Variants in ATP13A4 observed in about 807,000 individuals in gnomAD.
The protein encoded by ATP13A4 is probable cation-transporting ATPase 13A4.
ATP13A4 carries 114 observed loss-of-function variants against 142.5 expected under a neutral mutation model. The ratio of observed to expected loss-of-function variants is 0.80; its 90% confidence interval spans 0.69 to 0.93. ATP13A4 has a LOEUF of 0.93. Among genes scored for constraint, ATP13A4 ranks in the 40% least tolerant of loss-of-function variants. The pLI is 0.00. For missense variants in ATP13A4, 1,392 were observed against 1,454.0 expected, an observed-to-expected ratio of 0.96 and a Z score of 0.69; for synonymous variants, 488 against 514.8, an observed-to-expected ratio of 0.95 and a Z score of 0.70.
At chr3:193,514,584 G>A (rs1721306286) in intron 2 of ATP13A4, 114 bp downstream of exon 2, 1 of 1,373,436 alleles carries the variant, frequency 7.3e-7, no homozygotes, top group Non-Finnish European at 1.0e-6. Flanking sequence ...AGGAACCAAA[G>A]ACTGGAGCCT....
intron 25 of ATP13A4, among the ~76,000 whole-genome samples, chr3:193,423,362 A>G (rs971115035): frequency 2.7e-5 from 4 of 149,530 alleles, no homozygotes; most frequent in African/African-American, 9.8e-5. Context: ...AACTCATTCT[A>G]TGAGTCCCCC....
At chr3:193,542,476 T>G (rs997243437) in intron 1 of ATP13A4, among the ~76,000 whole-genome samples, 1 of 151,754 alleles carries the variant, frequency 6.6e-6, no homozygotes, top group African/African-American at 2.4e-5. Flanking sequence ...AAAACTACTT[T>G]AAAATTTATA....
intron 1 of ATP13A4, among the ~76,000 whole-genome samples, chr3:193,585,789 A>G (rs928903690): frequency 6.6e-6 from 1 of 152,178 alleles, no homozygotes; most frequent in African/African-American, 2.4e-5. Context: ...AAAAGTCGCT[A>G]TGAACATGTT....
intron 25 of ATP13A4, among the ~76,000 whole-genome samples, chr3:193,426,310 G>T (rs903455299): frequency 1.3e-5 from 2 of 151,574 alleles, no homozygotes; most frequent in African/African-American, 4.8e-5. Flanking sequence ...AAAGAGAAAG[G>T]CTTCCACACT....
chr3:193,493,395 T>C (rs1363835595), intron 3 of ATP13A4, among the ~76,000 whole-genome samples: 2 of 152,170 alleles, frequency 1.3e-5, no homozygotes, highest in African/African-American at 2.4e-5. Context: ...GAAAAATATA[T>C]ATGAATAAAA....
chr3:193,517,478 T>C (rs1721475873), intron 1 of ATP13A4, among the ~76,000 whole-genome samples: 1 of 152,140 alleles, frequency 6.6e-6, no homozygotes, highest in African/African-American at 2.4e-5. Flanking sequence ...CCAACTGTTT[T>C]GTTTTATTTT....
chr3:193,504,020 TGAGAGAGA>T (rs1553851730), intron 2 of ATP13A4, among the ~76,000 whole-genome samples: 2 of 144,216 alleles, frequency 1.4e-5, no homozygotes, highest in African/African-American at 2.6e-5. Context: ...TGTGTGTGTG[TGAGAGAGA>T]GAGAGAGAGA....
At chr3:193,462,622 G>T in intron 13 of ATP13A4, 140 bp downstream of exon 13, 3 of 789,762 alleles carry the variant, frequency 3.8e-6, no homozygotes, top group Non-Finnish European at 6.3e-6. Context: ...AAGATGAGAA[G>T]TTAAAAGAAG....
chr3:193,402,484 T>C lies in ATP13A4; in HGVS notation c.*168A>G. 1 of 612,178 alleles carries C rather than the reference T, an allele frequency of 1.6e-6. No homozygotes were observed. The highest frequency in any genetic ancestry group is 1.9e-5 in the South Asian group (1 of 51,868). 37.9% of individuals were successfully genotyped at this position (612,178 alleles called of 1,614,324 possible). A position where few individuals can be genotyped will look rare whatever the true frequency, so the allele number is the denominator to read the frequency against. ...AAGCACTCTTCTGGGTCAATGTTCT[T>C]CTCTGTAGACAGTATTTTATCAAAC... On this transcript the variant is annotated 3_prime_UTR_variant, in exon 30 of 30. Coordinates refer to ENST00000342695, the MANE Select transcript of ATP13A4 (RefSeq NM_032279.4).
At chr3:193,431,835 A>G (rs924415871) in intron 25 of ATP13A4, among the ~76,000 whole-genome samples, 3 of 151,844 alleles carry the variant, frequency 2.0e-5, no homozygotes, top group African/African-American at 7.3e-5. Context: ...TTTGGGGAGC[A>G]ACATGTTAAA....
At chr3:193,447,964 G>A (rs1717049842) in intron 18 of ATP13A4, among the ~76,000 whole-genome samples, 1 of 152,076 alleles carries the variant, frequency 6.6e-6, no homozygotes, top group African/African-American at 2.4e-5. Flanking sequence ...ACACTTTCCT[G>A]CATTATCCTA....
chr3:193,576,518 G>T (rs12489198), intron 2 of ATP13A4, among the ~76,000 whole-genome samples: 64,312 of 150,454 alleles, frequency 0.43, 13,934 homozygotes, highest in Non-Finnish European at 0.43. Flanking sequence ...TGATCCACCC[G>T]CCTCGGCCTC....
At chr3:193,534,807 T>C (rs1722507486) in intron 1 of ATP13A4, among the ~76,000 whole-genome samples, 1 of 151,906 alleles carries the variant, frequency 6.6e-6, no homozygotes, top group African/African-American at 2.4e-5. Flanking sequence ...ACTAAAAAAC[T>C]TAAAGAAATA....
chr3:193,463,485 AG>A (rs532613013), intron 12 of ATP13A4, among the ~76,000 whole-genome samples: 22 of 151,738 alleles, frequency 1.4e-4, no homozygotes, highest in Admixed American at 2.6e-4. Context: ...ATTATGGTTA[AG>A]AATTCAGGTT....
At chr3:193,562,691 G>A (rs1464135249) in intron 2 of ATP13A4, among the ~76,000 whole-genome samples, 1 of 152,116 alleles carries the variant, frequency 6.6e-6, no homozygotes, top group Admixed American at 6.6e-5. Context: ...CTAACACGAT[G>A]AAACCCCATC....
At chr3:193,472,425 GAGT>G (rs1718679673) in intron 8 of ATP13A4, among the ~76,000 whole-genome samples, 2 of 152,174 alleles carry the variant, frequency 1.3e-5, no homozygotes, top group Admixed American at 6.5e-5. Flanking sequence ...CAAAGCACAA[GAGT>G]AGTAATGCTC....
At chr3:193,561,114 C>G (rs1210260134) in intron 2 of ATP13A4, among the ~76,000 whole-genome samples, 1 of 152,176 alleles carries the variant, frequency 6.6e-6, no homozygotes, top group African/African-American at 2.4e-5. Flanking sequence ...AACTTAGGAA[C>G]AGTAGTACCC....
rs554862858 is a variant in ATP13A4 at position 193,448,230 on chromosome 3, G to A, written c.2128C>T (p.Arg710Trp). ...CCTGTGATCATTACAGTCCTTATCC[G>A]GGCTGAGATGAGCTCTTCCAAGACA... is the stretch of plus-strand genomic sequence containing the variant. ...KPVLEELISA[R>W]IRTVMITGDN... The change falls in exon 18 of 30, where the codon CGG (arginine) becomes TGG (tryptophan). Residue 710 changes from arginine to tryptophan, a missense_variant. By Grantham distance (101) the Arg-to-Trp change is moderately radical. Coordinates refer to ENST00000342695, the MANE Select transcript of ATP13A4 (RefSeq NM_032279.4). 1.2e-4 allele frequency: 192 copies of A among 1,613,922 alleles called. No individual in the cohort carries two copies. The South Asian group carries it at 1.7e-3, about 14-fold the overall frequency.
intron 12 of ATP13A4, among the ~76,000 whole-genome samples, chr3:193,463,259 G>A (rs1163558802): frequency 6.6e-6 from 1 of 152,016 alleles, no homozygotes; most frequent in African/African-American, 2.4e-5. Context: ...ATTGTTTTGA[G>A]GATCTAATGG....
Sources: gnomAD v4.1 joint callset for allele counts (sites outside exome capture counted in the v4.1 genomes callset) on GRCh38, gnomAD v4.1.1 for gene constraint, MANE v1.5 for transcripts, NCBI Gene and HGNC (gene_info 2026-07-23, HGNC 2026-07-21) for gene names.